Variants in MYO3B observed in about 807,000 individuals in gnomAD.
The protein encoded by MYO3B is myosin IIIB.
Under a neutral mutation model 174.6 loss-of-function variants are expected in MYO3B, and 156 were observed. The ratio of observed to expected loss-of-function variants is 0.89; its 90% CI spans 0.78 to 1.02. The LOEUF (loss-of-function observed/expected upper bound fraction) is 1.02, where lower values mean the gene tolerates loss of function less well. Ranked by LOEUF, MYO3B falls within the 50% of genes least tolerant of loss-of-function variation. The probability of loss-of-function intolerance (pLI) is 0.00; values close to 1 mark genes in which losing one functional copy is unlikely to be tolerated. For synonymous variants in MYO3B, 563 were observed against 569.1 expected (o/e 0.99, Z 0.15); for missense variants, 1,632 against 1,639.4 (o/e 1.00, Z 0.08).
intron 7 of MYO3B, among the ~76,000 whole-genome samples, chr2:170,286,115 T>C (rs2093554488): frequency 6.6e-6 from 1 of 152,248 alleles, no homozygotes; most frequent in Non-Finnish European, 1.5e-5. Context: ...ATAATAATTT[T>C]TGATATTATA....
intron 18 of MYO3B, 110 bp downstream of exon 18, chr2:170,401,801 T>TA: frequency 8.2e-5 from 81 of 982,060 alleles, no homozygotes; most frequent in Non-Finnish European, 1.1e-4. Flanking sequence ...TCTTTCTTTT[T>TA]CTTTTTTTTT....
intron 32 of MYO3B, chr2:170,602,363 C>T (rs1048818913): frequency 1.8e-5 from 11 of 625,554 alleles, no homozygotes; most frequent in Middle Eastern, 4.3e-4. Context: ...AGCCTCCTCA[C>T]CCTCTCCACT....
chr2:170,383,311 G>A (rs1188886837), intron 11 of MYO3B, 122 bp downstream of exon 11: 3 of 659,270 alleles, frequency 4.6e-6, no homozygotes, highest in Non-Finnish European at 8.1e-6. Flanking sequence ...ACTCCAAACT[G>A]CAGATAGTAA....
At chr2:170,435,371 C>T (rs1461043855) in intron 22 of MYO3B, among the ~76,000 whole-genome samples, 1 of 152,198 alleles carries the variant, frequency 6.6e-6, no homozygotes, top group African/African-American at 2.4e-5. Flanking sequence ...AGGTAATGAA[C>T]TGTCAGGTTG....
intron 6 of MYO3B, among the ~76,000 whole-genome samples, chr2:170,217,709 A>C (rs1190218175): frequency 6.6e-6 from 1 of 152,134 alleles, no homozygotes; most frequent in Non-Finnish European, 1.5e-5. Context: ...GAAAAAGTCA[A>C]CTTCCCTGGA....
intron 34 of MYO3B, among the ~76,000 whole-genome samples, chr2:170,652,664 G>C (rs1017305470): frequency 2.6e-5 from 4 of 152,206 alleles, no homozygotes; most frequent in Non-Finnish European, 2.9e-5. Flanking sequence ...GGGAGGTCAG[G>C]AGGAAAACTT....
At chr2:170,348,902 G>A (rs1336989284) in intron 8 of MYO3B, among the ~76,000 whole-genome samples, 1 of 152,256 alleles carries the variant, frequency 6.6e-6, no homozygotes, top group Non-Finnish European at 1.5e-5. Context: ...TCTTATAGGG[G>A]CCAAGTGTTT....
At chr2:170,609,807 C>T (rs1166799894) in intron 32 of MYO3B, among the ~76,000 whole-genome samples, 1 of 152,230 alleles carries the variant, frequency 6.6e-6, no homozygotes, top group Admixed American at 6.5e-5. Context: ...TATCTCAGAT[C>T]TCCTAGAGGA....
chr2:170,603,023 G>A (rs371721491), intron 32 of MYO3B, among the ~76,000 whole-genome samples: 232 of 152,148 alleles, frequency 1.5e-3, no homozygotes, highest in African/African-American at 5.1e-3. Flanking sequence ...AGCCAAGATC[G>A]CACCATTGCA....
chr2:170,521,750 C>T (rs1052521385), intron 30 of MYO3B, among the ~76,000 whole-genome samples: 2 of 152,074 alleles, frequency 1.3e-5, no homozygotes, highest in Non-Finnish European at 2.9e-5. Context: ...CTTGGCCTGT[C>T]CTTCCTTCTT....
At chr2:170,623,114 T>C (rs1259899088) in intron 32 of MYO3B, among the ~76,000 whole-genome samples, 1 of 152,194 alleles carries the variant, frequency 6.6e-6, no homozygotes, top group Non-Finnish European at 1.5e-5. Context: ...GGTCAAATGG[T>C]ATTTCTAGTT....
chr2:170,511,131 C>T (rs1472815584), intron 28 of MYO3B, among the ~76,000 whole-genome samples: 2 of 150,854 alleles, frequency 1.3e-5, no homozygotes, highest in African/African-American at 4.9e-5. Context: ...GCGATCTCAG[C>T]TCACTGCAAA....
intron 32 of MYO3B, among the ~76,000 whole-genome samples, chr2:170,599,541 G>C (rs531782336): frequency 2.6e-5 from 4 of 152,308 alleles, no homozygotes; most frequent in African/African-American, 9.6e-5. Context: ...GAGGTCAGGA[G>C]TTAGTGACTA....
chr2:170,517,925 A>G (rs1304570082), intron 29 of MYO3B, among the ~76,000 whole-genome samples: 1 of 150,072 alleles, frequency 6.7e-6, no homozygotes, highest in Admixed American at 6.6e-5. Flanking sequence ...GGTGGTGGCT[A>G]TTTTTCTTTA....
At chr2:170,379,186 G>A (rs1383789416) in intron 9 of MYO3B, among the ~76,000 whole-genome samples, 1 of 129,618 alleles carries the variant, frequency 7.7e-6, no homozygotes, top group African/African-American at 2.9e-5. Context: ...TCATGAAAAT[G>A]TGGTACAATT....
chr2:170,608,562 T>C lies in MYO3B; in HGVS notation c.3734-43066T>C, dbSNP rs1190152538. Among the ~76,000 whole-genome samples the C allele has an allele frequency of 2.0e-5, 3 of 152,022 alleles. No individual in the cohort carries two copies. The East Asian group carries it at 5.8e-4, about 29-fold the overall frequency. ...TCAGATTCTTGTTACCGTTTACATGTCCTTTGCATAGATGTGCTCAGAACA... is the reference window on the plus strand; with the variant it reads ...TCAGATTCTTGTTACCGTTTACATGCCCTTTGCATAGATGTGCTCAGAACA... On this transcript the variant is annotated intron_variant, in intron 32 of 34. Transcript: ENST00000408978.
intron 28 of MYO3B, 107 bp from the exon 29 acceptor site, chr2:170,514,814 C>T (rs965433198): frequency 6.8e-6 from 6 of 877,564 alleles, no homozygotes; most frequent in East Asian, 2.6e-5. Flanking sequence ...TGCCTTGAAC[C>T]GTAAGAAAAG....
intron 7 of MYO3B, among the ~76,000 whole-genome samples, chr2:170,252,005 T>C (rs1184128869): frequency 6.6e-6 from 1 of 152,194 alleles, no homozygotes; most frequent in Non-Finnish European, 1.5e-5. Context: ...GAGAAGTAAA[T>C]ATGGGGAAGT....
At position 170,519,511 on chromosome 2, in the gene MYO3B, C is replaced by G; in HGVS notation, c.3546C>G (p.Ser1182Arg). 6.2e-7 allele frequency: 1 copy of G among 1,614,032 alleles called. No individual in the cohort carries two copies. The highest frequency in any genetic ancestry group is 1.1e-5 in the South Asian group (1 of 91,080). The change falls in exon 30 of 35, where the codon AGC (serine) becomes AGG (arginine). Residue 1182 changes from serine to arginine, a missense_variant. By Grantham distance (110) the Ser-to-Arg change is moderately radical. Transcript: ENST00000408978. ...ACAATGGCCGTACACAGACTTCAAG[C>G]AACTCTCCTGCTGTCACAGAGAAAA... Reference protein sequence around the residue: ...ESNNGRTQTSSNSPAVTEKNG... With the variant: ...ESNNGRTQTSRNSPAVTEKNG...
Sources: gnomAD v4.1 joint callset for allele counts (sites outside exome capture counted in the v4.1 genomes callset) on GRCh38, gnomAD v4.1.1 for gene constraint, MANE v1.5 for transcripts, NCBI Gene and HGNC (gene_info 2026-07-23, HGNC 2026-07-21) for gene names.